ARPP21: variants seen among roughly 807,000 people sequenced by gnomAD.
ARPP21 encodes cAMP regulated phosphoprotein 21.
Under a neutral mutation model 113.2 loss-of-function variants are expected in ARPP21, and 69 were observed. The observed-to-expected ratio is 0.61, with a 90% CI of 0.50 to 0.74. The LOEUF (loss-of-function observed/expected upper bound fraction) is 0.74, where lower values mean the gene tolerates loss of function less well. Ranked by LOEUF, ARPP21 falls within the 30% of genes least tolerant of loss-of-function variation. The probability of loss-of-function intolerance (pLI) is 0.00; values close to 1 mark genes in which losing one functional copy is unlikely to be tolerated. For missense variants in ARPP21, 1,070 were observed against 1,037.4 expected, an observed-to-expected ratio of 1.03 and a Z score of -0.43; for synonymous variants, 368 against 375.5, an observed-to-expected ratio of 0.98 and a Z score of 0.23.
intron 7 of ARPP21, 74 bp from the exon 8 acceptor site, chr3:35,690,007 C>T (rs1240330863): frequency 1.3e-5 from 10 of 747,086 alleles, no homozygotes; most frequent in Admixed American, 3.7e-5. Flanking sequence ...CTTTTCCATA[C>T]ATTTAATTAA....
chr3:35,766,258 T>C (rs1387637537), intron 19 of ARPP21, among the ~76,000 whole-genome samples: 1 of 152,156 alleles, frequency 6.6e-6, no homozygotes, highest in African/African-American at 2.4e-5. Context: ...CCAAGTTCCA[T>C]TCTGAAACTA....
intron 1 of ARPP21, among the ~76,000 whole-genome samples, chr3:35,654,141 A>C (rs2149034503): frequency 6.6e-6 from 1 of 152,202 alleles, no homozygotes; most frequent in East Asian, 1.9e-4. Flanking sequence ...ATTAAGAGAA[A>C]ATATTATTTT....
At chr3:35,724,158 C>T (rs993445099) in intron 14 of ARPP21, among the ~76,000 whole-genome samples, 1 of 152,134 alleles carries the variant, frequency 6.6e-6, no homozygotes, top group African/African-American at 2.4e-5. Flanking sequence ...CATTTTCCTA[C>T]GTTTTGGAAG....
At chr3:35,791,467 C>T (rs895721112) in intron 19 of ARPP21, among the ~76,000 whole-genome samples, 6 of 151,830 alleles carry the variant, frequency 4.0e-5, no homozygotes, top group Non-Finnish European at 7.4e-5. Flanking sequence ...ATTTCTCTAC[C>T]ACTGTGTCAT....
Position 35,690,851 on chromosome 3 carries a change from G to T in ARPP21, c.546-14G>T. On this transcript the variant is annotated splice_polypyrimidine_tract_variant and intron_variant, in intron 8 of 20. Coordinates refer to ENST00000684406, the MANE Select transcript of ARPP21 (RefSeq NM_001385562.1). ...GAAAATGCTGATTCCACTTTTTCTT[G>T]AATTATGTTCTAGTAATCATTATAA... 1 of 1,583,032 alleles carries T rather than the reference G, an allele frequency of 6.3e-7. No individual in the cohort carries two copies.
Position 35,690,896 on chromosome 3 carries a change from TC to T in ARPP21, c.578del (p.Ser193CysfsTer46). Reference protein sequence around the residue: ...NHYKKFPQMSSYQRMLVHRVA... With the variant: ...NHYKKFPQMSXYQRMLVHRVA... ...TTATAAAAAGTTCCCTCAGATGTCA[TC>T]GTATCAGAGGATGCTTGTCCATCGA... On this transcript the variant is annotated frameshift_variant, in exon 9 of 21. Transcript: ENST00000684406. LOFTEE classifies it high-confidence loss of function. 6.2e-7 allele frequency: 1 copy of T among 1,610,428 alleles called. No individual in the cohort carries two copies. The highest frequency in any genetic ancestry group is 1.7e-5 in the Admixed American group (1 of 59,696).
intron 4 of ARPP21, 35 bp downstream of exon 4, chr3:35,682,924 C>A: frequency 1.9e-6 from 3 of 1,546,558 alleles, no homozygotes; most frequent in Non-Finnish European, 2.6e-6. Context: ...GACCTGATAT[C>A]ATGGGTATAA....
chr3:35,685,568 A>G, intron 5 of ARPP21: 1 of 985,028 alleles, frequency 1.0e-6, no homozygotes, highest in Non-Finnish European at 1.2e-6. Context: ...CAGTATATGG[A>G]TTGTATCGCT....
intron 11 of ARPP21, among the ~76,000 whole-genome samples, chr3:35,712,952 A>G (rs994117481): frequency 2.6e-5 from 4 of 152,140 alleles, no homozygotes; most frequent in Non-Finnish European, 5.9e-5. Flanking sequence ...TTTCTGAAGG[A>G]TATTTGTGTA....
chr3:35,747,359 T>C (rs1309443637), intron 19 of ARPP21, among the ~76,000 whole-genome samples: 3 of 108,876 alleles, frequency 2.8e-5, no homozygotes, highest in South Asian at 3.3e-4. Context: ...AGACTCCATC[T>C]AAAAAAAAAA....
At chr3:35,721,471 G>C in intron 13 of ARPP21, 134 bp from the exon 14 acceptor site, 2 of 620,318 alleles carry the variant, frequency 3.2e-6, no homozygotes, top group South Asian at 4.0e-5. Context: ...GGAGGCAACT[G>C]GTTTAATGAA....
rs1576217258 is a variant in ARPP21, at chr3:35,715,207, T to C, written c.898-232T>C. On this transcript the variant is annotated intron_variant, in intron 11 of 20. Transcript: ENST00000684406. ...CTTCTGACCTCCATGCCGAACAGAC[T>C]AAATCTAAAACCTGGAGACGTCCTG... 1.1e-5 allele frequency: 5 copies of C among 455,342 alleles called. No homozygotes were observed. In the East Asian group the frequency reaches 1.8e-4, roughly 16 times the overall value. 28.2% of individuals were successfully genotyped at this position (455,342 alleles called of 1,614,324 possible). A position where few individuals can be genotyped will look rare whatever the true frequency, so the allele number is the denominator to read the frequency against.
chr3:35,686,836 C>T lies in ARPP21; in HGVS notation c.262-903C>T, dbSNP rs192879552. ...GAAAAATATGATTTGGCTCATTCTT[C>T]TTCAAAACAGTGAACATACTATCAA... On this transcript the variant is annotated intron_variant, in intron 5 of 20. Coordinates refer to ENST00000684406, the MANE Select transcript of ARPP21 (RefSeq NM_001385562.1). Among the ~76,000 whole-genome samples, 453 of 151,546 alleles carry T rather than the reference C, an allele frequency of 3.0e-3. 1 individual carries two copies. The highest frequency in any genetic ancestry group is 4.5e-3 in the Non-Finnish European group (302 of 67,630).
At chr3:35,646,805 C>G (rs565655860) in intron 1 of ARPP21, among the ~76,000 whole-genome samples, 1 of 152,200 alleles carries the variant, frequency 6.6e-6, no homozygotes, top group African/African-American at 2.4e-5. Flanking sequence ...TTTAAATTTA[C>G]TTAGATATGC....
In ARPP21 at chr3:35,743,342, G is replaced by A. The variant is rs557297191; in HGVS notation, c.2011-497G>A. Among the ~76,000 whole-genome samples, 4 of 152,236 alleles carry A rather than the reference G, an allele frequency of 2.6e-5. No homozygotes were observed. The South Asian group carries it at 6.2e-4, about 24-fold the overall frequency. On this transcript the variant is annotated intron_variant, in intron 18 of 20. Transcript: ENST00000684406. ...TTTAAAACAACCATTGTATGATCAC[G>A]ACTAGGTCAGCAATTGAGCAGGATT...
chr3:35,703,440 C>G (rs1192014343), intron 9 of ARPP21, among the ~76,000 whole-genome samples: 1 of 151,786 alleles, frequency 6.6e-6, no homozygotes, highest in African/African-American at 2.4e-5. Context: ...AAGAAATTGA[C>G]CAGAAATGCC....
In ARPP21 at chr3:35,709,052, G is replaced by A. The variant is rs2090195017; in HGVS notation, c.879G>A (p.Glu293=). 2 of 1,612,190 alleles carry A rather than the reference G, an allele frequency of 1.2e-6. No individual in the cohort carries two copies. Among genetic ancestry groups the A allele is most frequent in the Non-Finnish European group, 1.7e-6 (2 of 1,178,318 alleles). The change falls in exon 11 of 21, where the codon GAG becomes GAA. Residue 293 remains glutamate, a synonymous_variant. Coordinates refer to ENST00000684406, the MANE Select transcript of ARPP21 (RefSeq NM_001385562.1). The part of the protein sequence containing the change: ...EREEEYQRVR[E]RIFAHDSVCS... ...AAGAGGAATATCAGAGAGTGAGGGAGAGAATATTTGCACACGATGTGAGTA... is the reference window on the plus strand; with the variant it reads ...AAGAGGAATATCAGAGAGTGAGGGAAAGAATATTTGCACACGATGTGAGTA...
intron 19 of ARPP21, among the ~76,000 whole-genome samples, chr3:35,787,282 C>CT (rs2096652896): frequency 6.6e-6 from 1 of 152,174 alleles, no homozygotes; most frequent in Admixed American, 6.5e-5. Context: ...CAGAGGCAGC[C>CT]AGTAGCCTGG....
intron 19 of ARPP21, among the ~76,000 whole-genome samples, chr3:35,748,063 GAAGGAAGAAAGA>G (rs1184502642): frequency 4.2e-5 from 3 of 71,462 alleles, no homozygotes; most frequent in African/African-American, 1.9e-4. Flanking sequence ...AAGGAAGAAG[GAAGGAAGAAAGA>G]AAGAAAGAAA....
Sources: gnomAD v4.1 joint callset for allele counts (sites outside exome capture counted in the v4.1 genomes callset) on GRCh38, gnomAD v4.1.1 for gene constraint, MANE v1.5 for transcripts, NCBI Gene and HGNC (gene_info 2026-07-23, HGNC 2026-07-21) for gene names.